Variants in IQGAP3 observed in about 807,000 individuals in gnomAD.
The protein encoded by IQGAP3 is ras GTPase-activating-like protein IQGAP3.
IQGAP3 carries 165 observed loss-of-function variants against 208.2 expected under a neutral mutation model. The observed-to-expected ratio is 0.79, with a 90% CI of 0.70 to 0.90. The LOEUF is 0.90. Ranked by LOEUF, IQGAP3 falls within the 40% of genes least tolerant of loss-of-function variation. The probability of loss-of-function intolerance (pLI) is 0.00; values close to 1 mark genes in which losing one functional copy is unlikely to be tolerated. For synonymous variants in IQGAP3, 703 were observed against 803.6 expected, an observed-to-expected ratio of 0.87 and a Z score of 2.12; for missense variants, 1,811 against 2,043.1, an observed-to-expected ratio of 0.89 and a Z score of 2.19.
At chr1:156,537,730 G>A (rs909089432) in intron 26 of IQGAP3, among the ~76,000 whole-genome samples, 1 of 152,096 alleles carries the variant, frequency 6.6e-6, no homozygotes, top group Non-Finnish European at 1.5e-5. Context: ...TTGCCTGCTC[G>A]CCTCTGTGGC....
At chr1:156,562,149 C>T in intron 9 of IQGAP3, 148 bp from the exon 10 acceptor site, 2 of 738,206 alleles carry the variant, frequency 2.7e-6, no homozygotes, top group Non-Finnish European at 4.3e-6. Context: ...TTGGTTCAGC[C>T]CAAATTCTTC....
Position 156,534,679 on chromosome 1 carries a change from C to T in IQGAP3, c.3562G>A (p.Asp1188Asn), listed in dbSNP as rs1427182149. 1.9e-6 allele frequency: 3 copies of T among 1,610,434 alleles called. No individual in the cohort carries two copies. Among genetic ancestry groups the T allele is most frequent in the Non-Finnish European group, 2.5e-6 (3 of 1,178,984 alleles). Residue 1188 changes from aspartate (D) to asparagine (N), a missense_variant, in exon 29 of 38, where the codon GAC becomes AAC. Physicochemically the swap from Asp to Asn is conservative, Grantham distance 23. Transcript: ENST00000361170. ...GCCATGGCCACAATGTCGAAGGCGT[C>T]AGGAGCCACCACAGCTGGGTTCAGG... ...RFLNPAVVAP[D>N]AFDIVAMAAG... is the part of the protein sequence containing the mutation.
intron 28 of IQGAP3, 59 bp downstream of exon 28, chr1:156,535,104 G>A (rs1390861883): frequency 3.2e-6 from 4 of 1,233,276 alleles, no homozygotes; most frequent in South Asian, 2.4e-5. Flanking sequence ...TCTGGGGATT[G>A]CAGGTACCAG....
At chr1:156,560,364 AGTCT>A (rs1431996370) in intron 11 of IQGAP3, among the ~76,000 whole-genome samples, 1 of 152,140 alleles carries the variant, frequency 6.6e-6, no homozygotes, top group East Asian at 1.9e-4. Flanking sequence ...TACCAAAATT[AGTCT>A]GCCATGGTGG....
At chr1:156,541,890 AAGG>A (rs1395409283) in intron 22 of IQGAP3, among the ~76,000 whole-genome samples, 1 of 152,210 alleles carries the variant, frequency 6.6e-6, no homozygotes, top group Non-Finnish European at 1.5e-5. Context: ...GAGACACTGC[AAGG>A]AGGAGGTGAG....
intron 2 of IQGAP3, among the ~76,000 whole-genome samples, chr1:156,567,787 C>T (rs1251249735): frequency 6.6e-6 from 1 of 152,158 alleles, no homozygotes; most frequent in Non-Finnish European, 1.5e-5. Context: ...TTTTCCTGTA[C>T]AGATTGACTT....
At chr1:156,530,433 C>T (rs979259231) in intron 33 of IQGAP3, 116 bp from the exon 34 acceptor site, 2 of 844,306 alleles carry the variant, frequency 2.4e-6, no homozygotes, top group African/African-American at 1.7e-5. Context: ...TTCTGCATAT[C>T]ATTAAGAAAG....
Position 156,551,831 on chromosome 1 carries a change from G to T in IQGAP3, c.1608C>A (p.Asp536Glu), listed in dbSNP as rs1441354827. ...ACAGAGTCTTCTCAGGGCTGCCTTTGTCCAGAGCCTCATTGATGAGGCTGA... is the reference window on the plus strand; with the variant it reads ...ACAGAGTCTTCTCAGGGCTGCCTTTTTCCAGAGCCTCATTGATGAGGCTGA... ...LAVSLINEAL[D>E]KGSPEKTLSA... Residue 536 changes from aspartate (D) to glutamate (E), a missense_variant, in exon 15 of 38, where the codon GAC (aspartate) becomes GAA (glutamate). Physicochemically the swap from Asp to Glu is conservative, Grantham distance 45. Coordinates refer to ENST00000361170, the MANE Select transcript of IQGAP3 (RefSeq NM_178229.5). 1 of 1,612,164 alleles carries T rather than the reference G, an allele frequency of 6.2e-7. No homozygotes were observed. Among genetic ancestry groups the T allele is most frequent in the African/African-American group, 1.3e-5 (1 of 74,972 alleles).
chr1:156,563,216 T>C lies in IQGAP3; in HGVS notation c.716A>G (p.Asn239Ser), dbSNP rs1229772507. 2 of 1,613,144 alleles carry C rather than the reference T, an allele frequency of 1.2e-6. No homozygotes were observed. The highest frequency in any genetic ancestry group is 1.7e-6 in the Non-Finnish European group (2 of 1,179,400). Residue 239 changes from asparagine to serine, a missense_variant, in exon 8 of 38, where the codon AAT becomes AGT. Asn to Ser is a conservative substitution (Grantham distance 46). Coordinates refer to ENST00000361170, the MANE Select transcript of IQGAP3 (RefSeq NM_178229.5). ...GACGGCTGCCAGAGGCTCTCGGAGA[T>C]TCTCCAGAAGAGCACTGGGATTCTG... ...ALQNPSALLENLREPLAAVYQ... is the reference protein window; with the variant it reads ...ALQNPSALLESLREPLAAVYQ...
intron 33 of IQGAP3, 53 bp downstream of exon 33, chr1:156,531,107 G>A (rs1674373417): frequency 8.0e-6 from 10 of 1,254,038 alleles, no homozygotes; most frequent in Non-Finnish European, 1.2e-5. Context: ...GTGCAGGTGG[G>A]ATGAGGTGGG....
chr1:156,528,571 G>A lies in IQGAP3; in HGVS notation c.4611C>T (p.Tyr1537=). Residue 1537 remains tyrosine, a synonymous_variant, in exon 36 of 38, where the codon TAC becomes TAT. Transcript: ENST00000361170. ...CCTTTTCCAGGAGCTGAGCAGCAGT[G>A]TAATGAAGAGAAGGCTGCTTCTTCC... is the stretch of plus-strand genomic sequence containing the variant. ...GKGKKQPSLH[Y]TAAQLLEKGV... 1 of 1,613,942 alleles carries A rather than the reference G, an allele frequency of 6.2e-7. No homozygotes were observed. The highest frequency in any genetic ancestry group is 1.7e-5 in the Admixed American group (1 of 59,998).
intron 22 of IQGAP3, among the ~76,000 whole-genome samples, chr1:156,541,260 C>T (rs1674962608): frequency 6.6e-6 from 1 of 151,918 alleles, no homozygotes; most frequent in Admixed American, 6.6e-5. Flanking sequence ...CTAGTCTACC[C>T]CAATCTACCA....
Position 156,544,010 on chromosome 1 carries a change from C to T in IQGAP3, c.2501G>A (p.Arg834Lys). Residue 834 changes from arginine (R) to lysine (K), a missense_variant, in exon 22 of 38, where the codon AGG becomes AAG. Coordinates refer to ENST00000361170, the MANE Select transcript of IQGAP3 (RefSeq NM_178229.5). ...TATCCTGTAGTCATCTTGGGCTTTC[C>T]TGGCTCGGAAAAATGCCTGGATCTT... ...IVKIQAFFRARKAQDDYRILV... is the reference protein window; with the variant it reads ...IVKIQAFFRAKKAQDDYRILV... 6.2e-7 allele frequency: 1 copy of T among 1,614,160 alleles called. No individual in the cohort carries two copies. Among genetic ancestry groups the T allele is most frequent in the African/African-American group, 1.3e-5 (1 of 75,030 alleles).
At chr1:156,563,876 A>G in intron 5 of IQGAP3, 52 bp from the exon 6 acceptor site, 1 of 1,480,136 alleles carries the variant, frequency 6.8e-7, no homozygotes, top group South Asian at 1.2e-5. Context: ...TCATTTTGAC[A>G]CTCTGCCCAC....
In IQGAP3 at chr1:156,551,789, A is replaced by T. The variant is rs774937500; in HGVS notation, c.1650T>A (p.Pro550=). 1 of 1,614,072 alleles carries T rather than the reference A, an allele frequency of 6.2e-7. No homozygotes were observed. Among genetic ancestry groups the T allele is most frequent in the Non-Finnish European group, 8.5e-7 (1 of 1,179,996 alleles). ...GGCTGACATCATCTAGGCCAGCTGC[A>T]GGAAGCAGTAGGGCAGACAGAGTCT... is the stretch of plus-strand genomic sequence containing the variant. The part of the protein sequence containing the change: ...PEKTLSALLL[P]AAGLDDVSLP... The change falls in exon 15 of 38, where the codon CCT becomes CCA. Residue 550 remains proline, a synonymous_variant. Coordinates refer to ENST00000361170, the MANE Select transcript of IQGAP3 (RefSeq NM_178229.5).
intron 5 of IQGAP3, 137 bp from the exon 6 acceptor site, chr1:156,563,961 C>T (rs907553093): frequency 6.1e-6 from 4 of 652,080 alleles, no homozygotes; most frequent in Non-Finnish European, 1.1e-5. Context: ...TCATCCCCAA[C>T]CCACATAAAG....
chr1:156,551,852 G>A lies in IQGAP3; in HGVS notation c.1587C>T (p.Ser529=). Residue 529 remains serine (S), a synonymous_variant, in exon 15 of 38, where the codon AGC becomes AGT. Transcript: ENST00000361170. ...QEETDRVLAV[S]LINEALDKGS... is the part of the protein sequence containing the mutation. Reference sequence around the variant, plus strand: ...CTTTGTCCAGAGCCTCATTGATGAGGCTGACTGCAAGGACCCCTAAGAAAG... The same window carrying A: ...CTTTGTCCAGAGCCTCATTGATGAGACTGACTGCAAGGACCCCTAAGAAAG... The A allele has an allele frequency of 6.2e-7, 1 of 1,608,142 alleles. No individual in the cohort carries two copies.
chr1:156,544,481 C>G lies in IQGAP3; in HGVS notation c.2305-9G>C. The G allele has an allele frequency of 6.2e-7, 1 of 1,612,320 alleles. No homozygotes were observed. The highest frequency in any genetic ancestry group is 8.5e-7 in the Non-Finnish European group (1 of 1,178,364). ...TAACCCCGCCAATGAGCCTGCACAT[C>G]AGGAGAGAAAGGGAAGTAACTCAAG... On this transcript the variant is annotated splice_polypyrimidine_tract_variant and intron_variant, in intron 19 of 37. Coordinates refer to ENST00000361170, the MANE Select transcript of IQGAP3 (RefSeq NM_178229.5).
Position 156,555,260 on chromosome 1 carries a change from T to C in IQGAP3, c.1291-868A>G, listed in dbSNP as rs1485776288. ...TATTTTCTTCTCTGTTTTTTTGAGA[T>C]AGAGTCTCACTCTGTGGCCCAGGCT... On this transcript the variant is annotated intron_variant, in intron 12 of 37. Transcript: ENST00000361170. 1.3e-5 allele frequency among the ~76,000 whole-genome samples: 2 copies of C among 152,124 alleles called. 1 individual carries two copies. The highest frequency in any genetic ancestry group is 4.1e-4 in the South Asian group (2 of 4,826).
Sources: allele counts gnomAD v4.1 joint callset (sites outside exome capture counted in the v4.1 genomes callset), GRCh38; gene constraint gnomAD v4.1.1; transcripts MANE v1.5; gene names NCBI Gene and HGNC (gene_info 2026-07-23, HGNC 2026-07-21).